The following NAA15 variants were observed in gnomAD, a reference collection of about 807,000 sequenced individuals.
The protein encoded by NAA15 is N-terminal acetyltransferase.
Under a neutral mutation model 114.0 loss-of-function variants are expected in NAA15, and 34 were observed. The observed-to-expected ratio is 0.30, with a 90% CI of 0.23 to 0.40. NAA15 has a LOEUF of 0.40. Ranked by LOEUF, NAA15 falls within the 10% of genes least tolerant of loss-of-function variation. NAA15 has a pLI of 1.00. For synonymous variants in NAA15, 340 were observed against 338.0 expected (o/e 1.01, Z -0.06); for missense variants, 658 against 1,004.5 (o/e 0.66, Z 4.66).
intron 4 of NAA15, among the ~76,000 whole-genome samples, chr4:139,341,314 G>A (rs1747378937): frequency 6.6e-6 from 1 of 151,868 alleles, no homozygotes; most frequent in African/African-American, 2.4e-5. Flanking sequence ...ATTAACATCA[G>A]GCCAGGTGCG....
At chr4:139,315,708 A>G (rs1490211254) in intron 1 of NAA15, among the ~76,000 whole-genome samples, 1 of 151,710 alleles carries the variant, frequency 6.6e-6, no homozygotes, top group East Asian at 1.9e-4. Context: ...TAGCTTTTTC[A>G]CTGAATTGAT....
intron 1 of NAA15, among the ~76,000 whole-genome samples, chr4:139,327,566 C>T (rs1298801183): frequency 6.6e-6 from 1 of 152,122 alleles, no homozygotes; most frequent in Non-Finnish European, 1.5e-5. Context: ...ACCAGTAAAT[C>T]TTATTCTCAT....
At chr4:139,318,502 AT>A (rs1021126419) in intron 1 of NAA15, 5 of 151,942 alleles carry the variant, frequency 3.3e-5, no homozygotes, top group South Asian at 4.1e-4. Context: ...TATAAAAAAA[AT>A]AAGTAAAACA....
intron 1 of NAA15, among the ~76,000 whole-genome samples, chr4:139,321,841 A>G (rs1353884175): frequency 6.6e-6 from 1 of 151,926 alleles, no homozygotes; most frequent in Non-Finnish European, 1.5e-5. Context: ...GTGTTACATA[A>G]TAGTAACTTG....
rs1302740376 is a variant in NAA15 at position 139,387,874 on chromosome 4, C to G, written c.2401-10C>G. The G allele has an allele frequency of 1.1e-5, 17 of 1,600,456 alleles. No homozygotes were observed. Among genetic ancestry groups the G allele is most frequent in the Non-Finnish European group, 1.4e-5 (17 of 1,175,728 alleles). On this transcript the variant is annotated splice_polypyrimidine_tract_variant and intron_variant, in intron 19 of 19. Transcript: ENST00000296543. The stretch of plus-strand genomic sequence containing the variant: ...GACCAGTTACAACATGACTTTTTTT[C>G]TTTCCTTAGACATGTATGGAGGTAT...
chr4:139,333,418 G>T (rs1286479863), intron 1 of NAA15, among the ~76,000 whole-genome samples: 2 of 151,806 alleles, frequency 1.3e-5, no homozygotes, highest in African/African-American at 4.8e-5. Flanking sequence ...CCCCTCTCTG[G>T]AAGTTTTTAA....
intron 10 of NAA15, among the ~76,000 whole-genome samples, chr4:139,354,358 G>T (rs1464947016): frequency 1.3e-5 from 2 of 152,124 alleles, no homozygotes; most frequent in Admixed American, 1.3e-4. Context: ...GAGTGCAGTG[G>T]TGTGAACACA....
At chr4:139,306,436 T>C (rs1746018485) in intron 1 of NAA15, among the ~76,000 whole-genome samples, 1 of 151,848 alleles carries the variant, frequency 6.6e-6, no homozygotes, top group Non-Finnish European at 1.5e-5. Context: ...TGTTTCACCA[T>C]GTTGGCCAGG....
At chr4:139,316,725 T>C (rs1309832491) in intron 1 of NAA15, among the ~76,000 whole-genome samples, 3 of 151,872 alleles carry the variant, frequency 2.0e-5, no homozygotes, top group Non-Finnish European at 4.4e-5. Flanking sequence ...AATATTGTTA[T>C]CTTATTTTGT....
At chr4:139,379,976 C>T (rs1166914646) in intron 17 of NAA15, among the ~76,000 whole-genome samples, 2 of 152,030 alleles carry the variant, frequency 1.3e-5, no homozygotes, top group African/African-American at 2.4e-5. Flanking sequence ...ACTTGCAAGG[C>T]GGAGGTTGCA....
At chr4:139,342,514 C>G (rs974002543) in intron 4 of NAA15, among the ~76,000 whole-genome samples, 7 of 140,428 alleles carry the variant, frequency 5.0e-5, no homozygotes, top group Admixed American at 3.7e-4. Context: ...GCGTCTTGCT[C>G]TGTTGCCAGG....
chr4:139,370,221 T>C lies in NAA15; in HGVS notation c.1764T>C (p.Ser588=). 1 of 1,537,746 alleles carries C rather than the reference T, an allele frequency of 6.5e-7. No individual in the cohort carries two copies. Residue 588 remains serine, a synonymous_variant, in exon 15 of 20, where the codon TCT becomes TCC. Transcript: ENST00000296543. The part of the protein sequence containing the change: ...KEHEADTANM[S]DKELKKLRNK... Reference sequence around the variant, plus strand: ...ACTTATTGCCTGCAGCAAACATGTCTGACAAAGAGCTAAAGAAGCTACGTA... The same window carrying C: ...ACTTATTGCCTGCAGCAAACATGTCCGACAAAGAGCTAAAGAAGCTACGTA...
chr4:139,352,726 G>A (rs1164879946), intron 9 of NAA15, among the ~76,000 whole-genome samples: 1 of 132,950 alleles, frequency 7.5e-6, no homozygotes, highest in African/African-American at 3.0e-5. Context: ...GGAGTGCAAT[G>A]GCGTGATCTC....
intron 7 of NAA15, 90 bp downstream of exon 7, chr4:139,349,671 G>A: frequency 2.3e-6 from 3 of 1,329,248 alleles, no homozygotes. Context: ...TAGAATAATA[G>A]TGGTTAAGAA....
At chr4:139,346,710 C>T (rs1370195073) in intron 6 of NAA15, among the ~76,000 whole-genome samples, 2 of 152,118 alleles carry the variant, frequency 1.3e-5, no homozygotes, top group African/African-American at 4.8e-5. Context: ...CCATGCCTGG[C>T]TAATTTTGTA....
intron 1 of NAA15, among the ~76,000 whole-genome samples, chr4:139,330,901 G>A (rs1291831294): frequency 6.6e-6 from 1 of 152,240 alleles, no homozygotes; most frequent in African/African-American, 2.4e-5. Context: ...ATTTCTTCAT[G>A]CTAAAATGTG....
Position 139,354,012 on chromosome 4 carries a change from T to C in NAA15, c.1015-14T>C, listed in dbSNP as rs1346103403. On this transcript the variant is annotated splice_polypyrimidine_tract_variant and intron_variant, in intron 9 of 19. Coordinates refer to ENST00000296543, the MANE Select transcript of NAA15 (RefSeq NM_057175.5). Reference sequence around the variant, plus strand: ...TTTTTTCTATTAAAGTGTGTTTGTGTGTTTGTACTCTAGGTGGCAATCATA... The same window carrying C: ...TTTTTTCTATTAAAGTGTGTTTGTGCGTTTGTACTCTAGGTGGCAATCATA... 6 of 1,604,930 alleles carry C rather than the reference T, an allele frequency of 3.7e-6. No homozygotes were observed. The highest frequency in any genetic ancestry group is 4.5e-5 in the East Asian group (2 of 44,760).
intron 15 of NAA15, among the ~76,000 whole-genome samples, chr4:139,371,008 C>T (rs1352784372): frequency 6.6e-6 from 1 of 152,204 alleles, no homozygotes; most frequent in Non-Finnish European, 1.5e-5. Context: ...CCAAGATACT[C>T]ATTGTCACAT....
At chr4:139,351,455 G>A (rs1747775663) in intron 8 of NAA15, 50 bp from the exon 9 acceptor site, 2 of 1,193,664 alleles carry the variant, frequency 1.7e-6, no homozygotes, top group Non-Finnish European at 2.5e-6. Context: ...TTTGGTAAAT[G>A]TAAGTAAATA....
Sources: gnomAD v4.1 joint callset for allele counts (sites outside exome capture counted in the v4.1 genomes callset) on GRCh38, gnomAD v4.1.1 for gene constraint, MANE v1.5 for transcripts, NCBI Gene and HGNC (gene_info 2026-07-23, HGNC 2026-07-21) for gene names.